PRORP: variants seen among roughly 807,000 people sequenced by gnomAD.
PRORP encodes the protein mitochondrial ribonuclease P catalytic subunit.
PRORP carries 51 observed loss-of-function variants against 59.4 expected under a neutral mutation model. The ratio of observed to expected loss-of-function variants is 0.86; its 90% CI spans 0.69 to 1.08. The LOEUF (loss-of-function observed/expected upper bound fraction) is 1.08. Ranked by LOEUF, PRORP falls within the 50% of genes least tolerant of loss-of-function variation. PRORP has a pLI of 0.00. For synonymous variants in PRORP, 231 were observed against 245.6 expected, an observed-to-expected ratio of 0.94 and a Z score of 0.55; for missense variants, 646 against 690.3, an observed-to-expected ratio of 0.94 and a Z score of 0.72.
chr14:35,218,527 TTTTTTTTTTTTTTTG>T (rs1392966370), intron 5 of PRORP, among the ~76,000 whole-genome samples: 67 of 44,378 alleles, frequency 1.5e-3, no homozygotes, highest in Admixed American at 0.015. Context: ...TACTTTTTTT[TTTTTTTTTTTTTTTG>T]TTGAGACAGA....
intron 5 of PRORP, among the ~76,000 whole-genome samples, chr14:35,234,845 A>G (rs1387516574): frequency 6.7e-6 from 1 of 148,722 alleles, no homozygotes; most frequent in Non-Finnish European, 1.5e-5. Context: ...TGCCCAACTA[A>G]TTTTTTTTTT....
At chr14:35,194,539 G>A (rs973641853) in intron 5 of PRORP, among the ~76,000 whole-genome samples, 4 of 152,146 alleles carry the variant, frequency 2.6e-5, no homozygotes, top group African/African-American at 9.7e-5. Flanking sequence ...GTCGGGGGAT[G>A]AGGGGCTAGG....
In PRORP at chr14:35,124,135, A is replaced by G. The variant is rs1314331065; in HGVS notation, c.890A>G (p.Tyr297Cys). 1.2e-6 allele frequency: 2 copies of G among 1,611,402 alleles called. No homozygotes were observed. The highest frequency in any genetic ancestry group is 1.7e-6 in the Non-Finnish European group (2 of 1,178,552). The stretch of plus-strand genomic sequence containing the variant: ...GGAAAAGACATAAAGGATGATAACT[A>G]TTCAAATAAACTACTAGATATTCTT... ...DFGKDIKDDN[Y>C]SNKLLDILSY... Residue 297 changes from tyrosine to cysteine, a missense_variant, in exon 2 of 8, where the codon TAT becomes TGT. Physicochemically the swap from Tyr to Cys is radical, Grantham distance 194. Transcript: ENST00000534898.
At chr14:35,141,160 A>T (rs562493120) in intron 4 of PRORP, among the ~76,000 whole-genome samples, 1 of 145,962 alleles carries the variant, frequency 6.9e-6, no homozygotes, top group South Asian at 2.2e-4. Flanking sequence ...GAAGGTCAAA[A>T]AGTGAATTTG....
chr14:35,138,910 C>G lies in PRORP; in HGVS notation c.1167+11299C>G, dbSNP rs1025545244. On this transcript the variant is annotated intron_variant, in intron 4 of 7. Coordinates refer to ENST00000534898, the MANE Select transcript of PRORP (RefSeq NM_014672.4). The stretch of plus-strand genomic sequence containing the variant: ...GGTTCACATGAGTCTCCTGCCTCAG[C>G]CTCCCGAGTGGCTGGGACTACAGGT... Among the ~76,000 whole-genome samples the G allele has an allele frequency of 4.1e-5, 6 of 144,914 alleles. 1 individual carries two copies. The highest frequency in any genetic ancestry group is 9.2e-5 in the Non-Finnish European group (6 of 65,276).
At chr14:35,230,417 T>G (rs2050047969) in intron 5 of PRORP, among the ~76,000 whole-genome samples, 1 of 152,214 alleles carries the variant, frequency 6.6e-6, no homozygotes, top group African/African-American at 2.4e-5. Context: ...ATGATTTCAT[T>G]ACAAATCTAC....
rs1264758835 is a variant in PRORP at position 35,122,980 on chromosome 14, A to G, written c.-266A>G. On this transcript the variant is annotated 5_prime_UTR_variant, in exon 2 of 8. Coordinates refer to ENST00000534898, the MANE Select transcript of PRORP (RefSeq NM_014672.4). ...CATGAACTGGAATGTAAGAGGCACC[A>G]GAGGATTCCTGCTCTGTCCCCTGGT... The G allele has an allele frequency of 2.3e-6, 1 of 433,016 alleles. No homozygotes were observed. Among genetic ancestry groups the G allele is most frequent in the Non-Finnish European group, 4.2e-6 (1 of 239,668 alleles). The allele number at this position is 433,016 out of a possible 1,614,324, so 26.8% of individuals were successfully genotyped here. A position where few individuals can be genotyped will look rare whatever the true frequency, so the allele number is the denominator to read the frequency against.
At chr14:35,251,907 T>G (rs1420960735) in intron 5 of PRORP, among the ~76,000 whole-genome samples, 1 of 152,028 alleles carries the variant, frequency 6.6e-6, no homozygotes, top group African/African-American at 2.4e-5. Flanking sequence ...ACTGTAAGGA[T>G]AGTGGAGGGG....
intron 3 of PRORP, among the ~76,000 whole-genome samples, chr14:35,127,002 T>C (rs1039961272): frequency 6.6e-6 from 1 of 152,184 alleles, no homozygotes; most frequent in Non-Finnish European, 1.5e-5. Flanking sequence ...TTAGAGATGT[T>C]TTTTCCCTAG....
At chr14:35,200,426 G>C (rs1034289033) in intron 5 of PRORP, among the ~76,000 whole-genome samples, 1 of 151,996 alleles carries the variant, frequency 6.6e-6, no homozygotes. Context: ...TCCTGACCTC[G>C]TGATCTGCCC....
Position 35,138,963 on chromosome 14 carries a change from G to A in PRORP, c.1167+11352G>A, listed in dbSNP as rs7150430. On this transcript the variant is annotated intron_variant, in intron 4 of 7. Transcript: ENST00000534898. The stretch of plus-strand genomic sequence containing the variant: ...ATACCACCATGCCTGGCTAATTTTT[G>A]TATTTTTTGTAGAGACGGGGTTTTA... 9.4e-4 allele frequency among the ~76,000 whole-genome samples: 136 copies of A among 144,740 alleles called. 6 individuals carry two copies. The highest frequency in any genetic ancestry group is 3.2e-3 in the African/African-American group (133 of 40,990). The allele number at this position is 144,740 out of a possible 152,430, so 95.0% of individuals were successfully genotyped here.
intron 4 of PRORP, among the ~76,000 whole-genome samples, chr14:35,152,006 A>G (rs1183830151): frequency 1.3e-5 from 2 of 150,350 alleles, no homozygotes; most frequent in African/African-American, 4.9e-5. Flanking sequence ...GTCATAGGAC[A>G]ATAGTGGAGG....
intron 5 of PRORP, among the ~76,000 whole-genome samples, chr14:35,212,615 T>A (rs2049477977): frequency 6.6e-6 from 1 of 152,182 alleles, no homozygotes; most frequent in Admixed American, 6.5e-5. Flanking sequence ...TTTCTGGGCT[T>A]AAAATACTCA....
chr14:35,175,255 A>C lies in PRORP; in HGVS notation c.1168-5415A>C, dbSNP rs866072179. On this transcript the variant is annotated intron_variant, in intron 4 of 7. Transcript: ENST00000534898. ...TGATTTATAATCCTTTGGGTATATA[A>C]CCAGTAATGGGATGGCTGGGTCAAA... Among the ~76,000 whole-genome samples, 14 of 152,130 alleles carry C rather than the reference A, an allele frequency of 9.2e-5. No individual in the cohort carries two copies. The East Asian group carries it at 9.7e-4, about 11-fold the overall frequency.
intron 5 of PRORP, among the ~76,000 whole-genome samples, chr14:35,250,182 C>T (rs76561909): frequency 1.1e-4 from 17 of 151,286 alleles, no homozygotes; most frequent in Non-Finnish European, 1.9e-4. Context: ...CAGTGAGCCA[C>T]GATCTCGCCA....
At chr14:35,203,591 G>A (rs572391281) in intron 5 of PRORP, among the ~76,000 whole-genome samples, 13 of 152,254 alleles carry the variant, frequency 8.5e-5, no homozygotes, top group South Asian at 8.3e-4. Context: ...GAGGCTGGGC[G>A]CAGTGGCTCA....
chr14:35,174,002 G>A (rs1036977670), intron 4 of PRORP, among the ~76,000 whole-genome samples: 5 of 151,986 alleles, frequency 3.3e-5, no homozygotes, highest in Admixed American at 3.3e-4. Flanking sequence ...CAGGATGGCT[G>A]GTTTCCAAGA....
At chr14:35,190,261 G>A (rs1270223179) in intron 5 of PRORP, among the ~76,000 whole-genome samples, 1 of 151,368 alleles carries the variant, frequency 6.6e-6, no homozygotes, top group Non-Finnish European at 1.5e-5. Context: ...AGCCGGGCGT[G>A]GTGGTGCATG....
At chr14:35,126,250 AACAAAT>A (rs1198441087) in intron 2 of PRORP, among the ~76,000 whole-genome samples, 1 of 152,206 alleles carries the variant, frequency 6.6e-6, no homozygotes, top group African/African-American at 2.4e-5. Flanking sequence ...ACATTGATTG[AACAAAT>A]ACATCAATAC....
Sources: allele counts gnomAD v4.1 joint callset (sites outside exome capture counted in the v4.1 genomes callset), GRCh38; gene constraint gnomAD v4.1.1; transcripts MANE v1.5; gene names NCBI Gene and HGNC (gene_info 2026-07-23, HGNC 2026-07-21).